FMO1: variants seen among roughly 807,000 people sequenced by gnomAD.
The protein encoded by FMO1 is flavin containing dimethylaniline monoxygenase 1.
FMO1 carries 36 observed loss-of-function variants against 45.4 expected under a neutral mutation model. The ratio of observed to expected loss-of-function variants is 0.79; its 90% confidence interval spans 0.61 to 1.05. The LOEUF is 1.05. Among genes scored for constraint, FMO1 ranks in the 50% least tolerant of loss-of-function variants. The probability of loss-of-function intolerance (pLI) is 0.00; values close to 1 mark genes in which losing one functional copy is unlikely to be tolerated. For synonymous variants in FMO1, 228 were observed against 227.2 expected (o/e 1.00, Z -0.03); for missense variants, 615 against 640.3 (o/e 0.96, Z 0.43).
chr1:171,278,866 GA>G lies in FMO1; in HGVS notation c.626del (p.Lys209ArgfsTer12). ...TGCTGTGGAGGCCAGCCACCTGGCG[GA>G]AAAGGTACATTCCTGATGTTACTGG... Reference protein sequence around the residue: ...DIAVEASHLAEKVFLSTTGGG... With the variant: ...DIAVEASHLAXKVFLSTTGGG... On this transcript the variant is annotated frameshift_variant, in exon 5 of 9. Transcript: ENST00000617670. LOFTEE classifies it high-confidence loss of function. 1 of 1,610,824 alleles carries G rather than the reference GA, an allele frequency of 6.2e-7. No individual in the cohort carries two copies. Among genetic ancestry groups the G allele is most frequent in the Non-Finnish European group, 8.5e-7 (1 of 1,177,998 alleles).
chr1:171,281,847 C>A, intron 6 of FMO1, 131 bp from the exon 7 acceptor site: 1 of 598,032 alleles, frequency 1.7e-6, no homozygotes, highest in Non-Finnish European at 3.0e-6. Context: ...GAAGTAACAT[C>A]TCCCAAGACT....
At chr1:171,270,698 C>T (rs1660818932) in intron 3 of FMO1, 5 of 1,071,928 alleles carry the variant, frequency 4.7e-6, no homozygotes, top group African/African-American at 1.7e-5. Context: ...CAAGAACATG[C>T]TTTAAATTTC....
At chr1:171,274,100 G>A (rs1400868589) in intron 3 of FMO1, among the ~76,000 whole-genome samples, 1 of 145,730 alleles carries the variant, frequency 6.9e-6, no homozygotes, top group Non-Finnish European at 1.5e-5. Flanking sequence ...GGTGAGCCGA[G>A]ATTGCACCAC....
chr1:171,258,116 C>T lies in FMO1; in HGVS notation c.29C>T (p.Ala10Val), dbSNP rs202202651. Residue 10 changes from alanine (A) to valine (V), a missense_variant, in exon 2 of 9, where the codon GCT becomes GTT. Physicochemically the swap from Ala to Val is moderately conservative, Grantham distance 64 (BLOSUM62 0). Transcript: ENST00000617670. Reference protein sequence around the residue: MAKRVAIVGAGVSGLASIKC... With the variant: MAKRVAIVGVGVSGLASIKC... The stretch of plus-strand genomic sequence containing the variant: ...GCCAAGCGAGTTGCCATTGTGGGAG[C>T]TGGGGTCAGCGGCCTGGCCTCCATC... 6.2e-7 allele frequency: 1 copy of T among 1,614,164 alleles called. No individual in the cohort carries two copies. The highest frequency in any genetic ancestry group is 1.1e-5 in the South Asian group (1 of 91,090).
Position 171,258,346 on chromosome 1 carries a change from G to C in FMO1, c.132+127G>C, listed in dbSNP as rs950218476. ...AGGTTAGAAATGTCTGCTGAACAGGGGACCATGAGGAGCCACTGAAATTGT... is the reference window on the plus strand; with the variant it reads ...AGGTTAGAAATGTCTGCTGAACAGGCGACCATGAGGAGCCACTGAAATTGT... On this transcript the variant is annotated intron_variant, in intron 2 of 8. Coordinates refer to ENST00000617670, the MANE Select transcript of FMO1 (RefSeq NM_001282693.2). The C allele has an allele frequency of 3.7e-6, 4 of 1,088,642 alleles. No homozygotes were observed. The Middle Eastern group carries it at 8.2e-4, about 224-fold the overall frequency. 67.4% of individuals were successfully genotyped at this position (1,088,642 alleles called of 1,614,324 possible).
chr1:171,266,184 C>T (rs577667153), intron 2 of FMO1, among the ~76,000 whole-genome samples: 1 of 152,308 alleles, frequency 6.6e-6, no homozygotes, highest in Non-Finnish European at 1.5e-5. Flanking sequence ...GTACACAACT[C>T]AAACTCATCA....
rs1232791987 is a variant in FMO1 at position 171,283,182 on chromosome 1, G to C, written c.1222G>C (p.Glu408Gln). Reference protein sequence around the residue: ...KLPPPSVMIEEINARKENKPS... With the variant: ...KLPPPSVMIEQINARKENKPS... Reference sequence around the variant, plus strand: ...ACCACCACCAAGTGTCATGATAGAGGAAATTAATGCAAGGAAAGAAAACAA... The same window carrying C: ...ACCACCACCAAGTGTCATGATAGAGCAAATTAATGCAAGGAAAGAAAACAA... The change falls in exon 8 of 9, where the codon GAA becomes CAA. Residue 408 changes from glutamate to glutamine, a missense_variant. Coordinates refer to ENST00000617670, the MANE Select transcript of FMO1 (RefSeq NM_001282693.2). The C allele has an allele frequency of 6.6e-7, 1 of 1,510,206 alleles. No homozygotes were observed. Among genetic ancestry groups the C allele is most frequent in the Non-Finnish European group, 8.9e-7 (1 of 1,118,334 alleles). 93.6% of individuals were successfully genotyped at this position (1,510,206 alleles called of 1,614,324 possible).
chr1:171,264,769 GGCGCCT>G (rs908710244), intron 2 of FMO1, among the ~76,000 whole-genome samples: 23 of 151,884 alleles, frequency 1.5e-4, no homozygotes, highest in Non-Finnish European at 2.6e-4. Context: ...CGTGGTGGCC[GGCGCCT>G]GTAGTCCCAA....
intron 5 of FMO1, among the ~76,000 whole-genome samples, chr1:171,279,448 G>A (rs1207971185): frequency 2.0e-5 from 3 of 152,100 alleles, no homozygotes; most frequent in Admixed American, 6.5e-5. Context: ...AGGAAACCAA[G>A]GCTTAGAGAA....
rs753046410 is a variant in FMO1 at position 171,275,384 on chromosome 1, T to C, written c.360T>C (p.Ala120=). The change falls in exon 4 of 9, where the codon GCT becomes GCC. Residue 120 remains alanine (A), a synonymous_variant. Transcript: ENST00000617670. The part of the protein sequence containing the change: ...VCSVTKCSDS[A]VSGQWEVVTM... Reference sequence around the variant, plus strand: ...GTGTAACAAAATGCTCAGATTCTGCTGTCTCTGGCCAATGGGAGGTGGTCA... The same window carrying C: ...GTGTAACAAAATGCTCAGATTCTGCCGTCTCTGGCCAATGGGAGGTGGTCA... 1 of 1,613,914 alleles carries C rather than the reference T, an allele frequency of 6.2e-7. No individual in the cohort carries two copies. The highest frequency in any genetic ancestry group is 8.5e-7 in the Non-Finnish European group (1 of 1,179,906).
intron 3 of FMO1, among the ~76,000 whole-genome samples, chr1:171,274,469 G>A (rs1661019418): frequency 6.6e-6 from 1 of 151,804 alleles, no homozygotes; most frequent in African/African-American, 2.4e-5. Context: ...TTGCCATGTT[G>A]CCCAGGCTAC....
chr1:171,271,723 G>A (rs1660876480), intron 3 of FMO1: 3 of 535,246 alleles, frequency 5.6e-6, no homozygotes, highest in East Asian at 3.1e-5. Context: ...GAGATTTATG[G>A]AACTTTGAAC....
intron 1 of FMO1, among the ~76,000 whole-genome samples, chr1:171,253,156 C>CT (rs1344217345): frequency 1.3e-5 from 2 of 152,092 alleles, no homozygotes; most frequent in Non-Finnish European, 2.9e-5. Context: ...ACTTTGTGTC[C>CT]TTTTTTCTTT....
chr1:171,271,509 T>A, intron 3 of FMO1: 1 of 899,282 alleles, frequency 1.1e-6, no homozygotes, highest in Non-Finnish European at 1.9e-6. Context: ...CTGCTTCTTA[T>A]GCTCTTCCCG....
Position 171,285,515 on chromosome 1 carries a change from C to T in FMO1, c.1570C>T (p.Leu524Phe). Residue 524 changes from leucine (L) to phenylalanine (F), a missense_variant, in exon 9 of 9, where the codon CTT becomes TTT. Leu to Phe is a conservative substitution (Grantham distance 22, BLOSUM62 0). Coordinates refer to ENST00000617670, the MANE Select transcript of FMO1 (RefSeq NM_001282693.2). ...TAAAGTCTTTAGCTTTCTGGCTTTG[C>T]TTGTGGCTATTTTTCTGATTTTCCT... ...FLKVFSFLALLVAIFLIFL is the reference protein window; with the variant it reads ...FLKVFSFLALFVAIFLIFL 1 of 1,509,994 alleles carries T rather than the reference C, an allele frequency of 6.6e-7. No homozygotes were observed. The highest frequency in any genetic ancestry group is 8.8e-7 in the Non-Finnish European group (1 of 1,130,684). 93.5% of individuals were successfully genotyped at this position (1,509,994 alleles called of 1,614,324 possible).
chr1:171,279,541 C>T (rs1026241859), intron 5 of FMO1, among the ~76,000 whole-genome samples: 54 of 152,096 alleles, frequency 3.6e-4, no homozygotes, highest in African/African-American at 1.1e-3. Flanking sequence ...TCAAAGCCTA[C>T]GTTCCTAACT....
Position 171,282,282 on chromosome 1 carries a change from A to T in FMO1, c.1132A>T (p.Met378Leu), listed in dbSNP as rs144681333. 1.4e-3 allele frequency: 2,242 copies of T among 1,613,914 alleles called. 37 individuals carry two copies. The highest frequency in any genetic ancestry group is 1.9e-4 in the Non-Finnish European group (229 of 1,179,866). Reference protein sequence around the residue: ...IIGLIKPLGSMIPTGETQARW... With the variant: ...IIGLIKPLGSLIPTGETQARW... ...TGGCCTCATCAAACCCTTGGGCTCC[A>T]TGATACCTACAGGAGAAACACAAGC... The change falls in exon 7 of 9, where the codon ATG becomes TTG. Residue 378 changes from methionine (M) to leucine (L), a missense_variant. By Grantham distance (15) the Met-to-Leu change is conservative (BLOSUM62 2). Coordinates refer to ENST00000617670, the MANE Select transcript of FMO1 (RefSeq NM_001282693.2).
intron 8 of FMO1, among the ~76,000 whole-genome samples, chr1:171,284,105 AC>A (rs1661514180): frequency 6.6e-6 from 1 of 151,176 alleles, no homozygotes; most frequent in South Asian, 2.1e-4. Flanking sequence ...TGATAAAACC[AC>A]TTTGTTTTAT....
Position 171,281,017 on chromosome 1 carries a change from G to A in FMO1, c.827+32G>A, listed in dbSNP as rs751662665. ...ATAATGTGACTGCCAAGGGCTTTTAGGAAGAAGGAGCCTCTGCCTGTCCAG... is the reference window on the plus strand; with the variant it reads ...ATAATGTGACTGCCAAGGGCTTTTAAGAAGAAGGAGCCTCTGCCTGTCCAG... On this transcript the variant is annotated intron_variant, in intron 6 of 8. Coordinates refer to ENST00000617670, the MANE Select transcript of FMO1 (RefSeq NM_001282693.2). 3.2e-6 allele frequency: 5 copies of A among 1,584,808 alleles called. No individual in the cohort carries two copies. In the South Asian group the frequency reaches 5.5e-5, roughly 18 times the overall value.
Sources: gnomAD v4.1 joint callset for allele counts (sites outside exome capture counted in the v4.1 genomes callset) on GRCh38, gnomAD v4.1.1 for gene constraint, MANE v1.5 for transcripts, NCBI Gene and HGNC (gene_info 2026-07-23, HGNC 2026-07-21) for gene names.